TRIM8: variants seen among roughly 807,000 people sequenced by gnomAD.
TRIM8 encodes the protein E3 ubiquitin-protein ligase TRIM8.
Under a neutral mutation model 55.7 loss-of-function variants are expected in TRIM8, and 9 were observed. The observed-to-expected ratio is 0.16, with a 90% CI of 0.10 to 0.28. TRIM8 has a LOEUF of 0.28. Among genes scored for constraint, TRIM8 ranks in the 10% least tolerant of loss-of-function variants. The probability of loss-of-function intolerance (pLI) is 1.00; values close to 1 mark genes in which losing one functional copy is unlikely to be tolerated. For missense variants in TRIM8, 556 were observed against 736.4 expected (o/e 0.76, Z 2.83); for synonymous variants, 335 against 333.3 (o/e 1.01, Z -0.06).
chr10:102,646,808 C>T (rs960916243), intron 1 of TRIM8, among the ~76,000 whole-genome samples: 1 of 152,106 alleles, frequency 6.6e-6, no homozygotes, highest in African/African-American at 2.4e-5. Flanking sequence ...CCAGTTCTGT[C>T]CTGGGATTGG....
intron 1 of TRIM8, among the ~76,000 whole-genome samples, chr10:102,652,959 T>C (rs184512262): frequency 3.9e-4 from 59 of 152,198 alleles, no homozygotes; most frequent in Admixed American, 9.8e-4. Flanking sequence ...ATGCACCACC[T>C]TGCCCAGCTA....
Position 102,657,155 on chromosome 10 carries a change from C to T in TRIM8, c.1457C>T (p.Pro486Leu), listed in dbSNP as rs989216817. Residue 486 changes from proline to leucine, a missense_variant, in exon 6 of 6, where the codon CCC becomes CTC. Pro to Leu is a moderately conservative substitution (Grantham distance 98). Coordinates refer to ENST00000643721, the MANE Select transcript of TRIM8 (RefSeq NM_030912.3). ...GTGGCCAACCATGGCGGCCACCAGCCCTACCCCCGCTCCGGCCACTTTCCC... is the reference window on the plus strand; with the variant it reads ...GTGGCCAACCATGGCGGCCACCAGCTCTACCCCCGCTCCGGCCACTTTCCC... ...SSVANHGGHQ[P>L]YPRSGHFPWT... is the part of the protein sequence containing the mutation. The T allele has an allele frequency of 7.4e-6, 12 of 1,613,780 alleles. No homozygotes were observed. The highest frequency in any genetic ancestry group is 1.7e-5 in the Admixed American group (1 of 60,000).
At chr10:102,648,823 G>A (rs1375852072) in intron 1 of TRIM8, among the ~76,000 whole-genome samples, 1 of 152,086 alleles carries the variant, frequency 6.6e-6, no homozygotes, top group Non-Finnish European at 1.5e-5. Flanking sequence ...ACGGTCATGT[G>A]GCCCCTTCTT....
chr10:102,644,516 G>A lies in TRIM8; in HGVS notation c.-102G>A. On this transcript the variant is annotated 5_prime_UTR_variant, in exon 1 of 6. Transcript: ENST00000643721. ...GACTGAGCGACCGTCGGGGCCGGCTGGGGCCGGAGCTCGGGGCTCGGTGGG... is the reference window on the plus strand; with the variant it reads ...GACTGAGCGACCGTCGGGGCCGGCTAGGGCCGGAGCTCGGGGCTCGGTGGG... The A allele has an allele frequency of 2.6e-6, 3 of 1,153,194 alleles. No individual in the cohort carries two copies. In the South Asian group the frequency reaches 4.9e-5, roughly 19 times the overall value. 71.4% of individuals were successfully genotyped at this position (1,153,194 alleles called of 1,614,324 possible).
rs1303628908 is a variant in TRIM8, at chr10:102,656,405, C to T, written c.1048+20C>T. 19 of 1,600,584 alleles carry T rather than the reference C, an allele frequency of 1.2e-5. No individual in the cohort carries two copies. Among genetic ancestry groups the T allele is most frequent in the Non-Finnish European group, 1.4e-5 (17 of 1,172,730 alleles). On this transcript the variant is annotated intron_variant, in intron 5 of 5. Coordinates refer to ENST00000643721, the MANE Select transcript of TRIM8 (RefSeq NM_030912.3). This position sits in a 1 kb window ranked among gnomAD's most constrained non-coding sequence, Gnocchi z 4.6. ...TAGAAGGTGAGGGTGGGGTGTTCCG[C>T]CGAAGGGAGACAGGGACCTTTGGGG...
In TRIM8 at chr10:102,645,195, C is replaced by A; in HGVS notation, c.570+8C>A. 4 of 1,528,136 alleles carry A rather than the reference C, an allele frequency of 2.6e-6. No individual in the cohort carries two copies. The highest frequency in any genetic ancestry group is 3.5e-6 in the Non-Finnish European group (4 of 1,144,632). The allele number at this position is 1,528,136 out of a possible 1,614,324, so 94.7% of individuals were successfully genotyped here. A position where few individuals can be genotyped will look rare whatever the true frequency, so the allele number is the denominator to read the frequency against. On this transcript the variant is annotated splice_region_variant and intron_variant, in intron 1 of 5. Transcript: ENST00000643721. ...CGAAGGAATGAAATCCGGGCAAGTA[C>A]CCTACGCGCGCGCGCGCACACACAC...
chr10:102,655,379 T>G (rs1486923519), intron 3 of TRIM8, 66 bp downstream of exon 3: 4 of 1,428,258 alleles, frequency 2.8e-6, no homozygotes, highest in Non-Finnish European at 3.9e-6. Flanking sequence ...GATCTGCAGT[T>G]TCCTGCACCT....
chr10:102,645,417 G>A, intron 1 of TRIM8: 1 of 490,682 alleles, frequency 2.0e-6, no homozygotes, highest in African/African-American at 2.0e-5. Context: ...CGTCTTCTGA[G>A]TGCTTTATGG....
rs745808344 is a variant in TRIM8 at position 102,656,854 on chromosome 10, G to A, written c.1156G>A (p.Ala386Thr). 1.5e-5 allele frequency: 23 copies of A among 1,556,858 alleles called. No individual in the cohort carries two copies. The African/African-American group carries it at 2.6e-4, about 18-fold the overall frequency. ...CAAGCACTCAACGGCCTTCCCAGAG[G>A]CCAGTTTCCTAGAGACGTCGTCGGG... ...KRKHSTAFPE[A>T]SFLETSSGPV... The change falls in exon 6 of 6, where the codon GCC (alanine) becomes ACC (threonine). Residue 386 changes from alanine (A) to threonine (T), a missense_variant. Ala to Thr is a moderately conservative substitution (Grantham distance 58, BLOSUM62 0). Around this residue, in one of 2 missense-constraint regions of TRIM8, gnomAD observed 391 missense variants for 441.0 expected, o/e 0.89. Coordinates refer to ENST00000643721, the MANE Select transcript of TRIM8 (RefSeq NM_030912.3). This position sits in a 1 kb window ranked among gnomAD's most constrained non-coding sequence, Gnocchi z 4.6.
rs1384870798 is a variant in TRIM8, at chr10:102,657,209, A to G, written c.1511A>G (p.His504Arg). The change falls in exon 6 of 6, where the codon CAC becomes CGC. Residue 504 changes from histidine (H) to arginine (R), a missense_variant. By Grantham distance (29) the His-to-Arg change is conservative (BLOSUM62 0). Around this residue, in one of 2 missense-constraint regions of TRIM8, gnomAD observed 391 missense variants for 441.0 expected, o/e 0.89. Transcript: ENST00000643721. ...PWTVPSQEYS[H>R]PLPPTPSVPQ... ...ACAGTGCCCTCGCAGGAGTACTCACACCCGCTCCCGCCCACACCCTCCGTC... is the reference window on the plus strand; with the variant it reads ...ACAGTGCCCTCGCAGGAGTACTCACGCCCGCTCCCGCCCACACCCTCCGTC... 6.2e-7 allele frequency: 1 copy of G among 1,612,868 alleles called. No homozygotes were observed. The highest frequency in any genetic ancestry group is 1.3e-5 in the African/African-American group (1 of 74,560).
At position 102,657,118 on chromosome 10, in the gene TRIM8, T is replaced by A; in HGVS notation, c.1420T>A (p.Tyr474Asn). The A allele has an allele frequency of 6.2e-7, 1 of 1,613,894 alleles. No individual in the cohort carries two copies. ...TCTCGTCTGTTCTGTGGACAACTGT[T>A]ACTGTTCTTCCGTGGCCAACCATGG... ...KILVCSVDNC[Y>N]CSSVANHGGH... The change falls in exon 6 of 6, where the codon TAC becomes AAC. Residue 474 changes from tyrosine to asparagine, a missense_variant. Coordinates refer to ENST00000643721, the MANE Select transcript of TRIM8 (RefSeq NM_030912.3).
intron 1 of TRIM8, chr10:102,654,130 C>G (rs1005299730): frequency 1.3e-5 from 2 of 155,098 alleles, no homozygotes; most frequent in African/African-American, 4.8e-5. Context: ...CCTCAGAAAG[C>G]TCAGGGTTTA....
rs993477308 is a variant in TRIM8, at chr10:102,657,463, C to T, written c.*109C>T. The T allele has an allele frequency of 6.8e-5, 89 of 1,310,384 alleles. No individual in the cohort carries two copies. Among genetic ancestry groups the T allele is most frequent in the East Asian group, 3.3e-4 (13 of 39,808 alleles). The allele number at this position is 1,310,384 out of a possible 1,614,324, so 81.2% of individuals were successfully genotyped here. ...TACCTTCCTCGCCTCCCCTCTTCCT[C>T]ATTCCATTGCCCCAGGTCTTTTCCT... On this transcript the variant is annotated 3_prime_UTR_variant, in exon 6 of 6. Coordinates refer to ENST00000643721, the MANE Select transcript of TRIM8 (RefSeq NM_030912.3).
rs1171758630 is a variant in TRIM8 at position 102,656,719 on chromosome 10, T to C, written c.1049-28T>C. 3 of 1,507,090 alleles carry C rather than the reference T, an allele frequency of 2.0e-6. No individual in the cohort carries two copies. Among genetic ancestry groups the C allele is most frequent in the Admixed American group, 2.4e-5 (1 of 42,510 alleles). 93.4% of individuals were successfully genotyped at this position (1,507,090 alleles called of 1,614,324 possible). Reference sequence around the variant, plus strand: ...CCTGGGTTGCTTGGGGTGGGAGCTTTGGCGACTTTTGCCCCAACTCTCCAC... The same window carrying C: ...CCTGGGTTGCTTGGGGTGGGAGCTTCGGCGACTTTTGCCCCAACTCTCCAC... On this transcript the variant is annotated intron_variant, in intron 5 of 5. Transcript: ENST00000643721. The surrounding 1 kb of genome is among the most constrained non-coding windows in gnomAD (Gnocchi z 4.6).
intron 1 of TRIM8, 148 bp downstream of exon 1, chr10:102,645,335 G>A: frequency 1.1e-6 from 1 of 914,408 alleles, no homozygotes; most frequent in Non-Finnish European, 1.6e-6. Flanking sequence ...CTGAAAGTTT[G>A]GGGACAGGGT....
In TRIM8 at chr10:102,657,533, AT is replaced by A. The variant is rs1270903591; in HGVS notation, c.*181del. The stretch of plus-strand genomic sequence containing the variant: ...TTGGCTTTGTTTTTGATTTTTTTTT[AT>A]TATGAATCTCCTGGACGCAGAGGTG... On this transcript the variant is annotated 3_prime_UTR_variant, in exon 6 of 6. Transcript: ENST00000643721. The A allele has an allele frequency of 1.9e-5, 15 of 779,884 alleles. No individual in the cohort carries two copies. Among genetic ancestry groups the A allele is most frequent in the Admixed American group, 7.2e-5 (2 of 27,690 alleles). The allele number at this position is 779,884 out of a possible 1,614,324, so 48.3% of individuals were successfully genotyped here.
At chr10:102,646,644 A>G (rs1278671267) in intron 1 of TRIM8, among the ~76,000 whole-genome samples, 1 of 152,164 alleles carries the variant, frequency 6.6e-6, no homozygotes, top group Non-Finnish European at 1.5e-5. Flanking sequence ...TCTTAAAGGA[A>G]GTGTGTCCTC....
Position 102,655,295 on chromosome 10 carries a change from G to A in TRIM8, c.882G>A (p.Glu294=). 1 of 1,603,220 alleles carries A rather than the reference G, an allele frequency of 6.2e-7. No individual in the cohort carries two copies. Among genetic ancestry groups the A allele is most frequent in the Non-Finnish European group, 8.5e-7 (1 of 1,177,290 alleles). ...TGCAGCTGCTCTTTGATAAGACGGA[G>A]GATGTCAGCTTCATGAAGGTGGGCT... ...GSLQLLFDKT[E]DVSFMKNTKS... The change falls in exon 3 of 6, where the codon GAG becomes GAA. Residue 294 remains glutamate (E), a synonymous_variant. Coordinates refer to ENST00000643721, the MANE Select transcript of TRIM8 (RefSeq NM_030912.3).
chr10:102,654,854 T>C, intron 2 of TRIM8, 106 bp downstream of exon 2: 1 of 981,326 alleles, frequency 1.0e-6, no homozygotes, highest in East Asian at 2.4e-5. Context: ...CCAGAACCAC[T>C]CCATCAGTCA....
Sources: allele counts gnomAD v4.1 joint callset (sites outside exome capture counted in the v4.1 genomes callset), GRCh38; gene constraint gnomAD v4.1.1; regional missense constraint gnomAD v4.1.1; non-coding constraint Gnocchi (gnomAD v3.1); transcripts MANE v1.5; gene names NCBI Gene and HGNC (gene_info 2026-07-23, HGNC 2026-07-21).